The following DNAH11 variants were observed in gnomAD, a reference collection of about 807,000 sequenced individuals.
DNAH11 encodes axonemal beta dynein heavy chain 11.
In DNAH11, 442 loss-of-function variants were observed where a neutral mutation model predicts 526.0. That is an observed-to-expected ratio of 0.84 (90% CI 0.78 to 0.91). DNAH11 has a LOEUF of 0.91. Ranked by LOEUF, DNAH11 falls within the 40% of genes least tolerant of loss-of-function variation. The probability of loss-of-function intolerance (pLI) is 0.00; values close to 1 mark genes in which losing one functional copy is unlikely to be tolerated. For missense variants in DNAH11, 6,989 were observed against 5,448.7 expected (o/e 1.28, Z -8.90); for synonymous variants, 2,461 against 1,935.9 (o/e 1.27, Z -7.12).
Position 21,707,764 on chromosome 7 carries a change from C to T in DNAH11, c.6612C>T (p.Asn2204=). The T allele has an allele frequency of 6.2e-7, 1 of 1,613,210 alleles. No homozygotes were observed. Among genetic ancestry groups the T allele is most frequent in the African/African-American group, 1.3e-5 (1 of 75,008 alleles). Residue 2204 remains asparagine (N), a synonymous_variant, in exon 40 of 82, where the codon AAC becomes AAT. Transcript: ENST00000409508. ...MKQKPVWNDL[N]PKAVTTDELF... is the part of the protein sequence containing the mutation. ...AGAAGCCGGTTTGGAATGACTTAAA[C>T]CCTAAAGCTGTGACAACAGATGAAC...
At chr7:21,761,048 T>G (rs1393455828) in intron 54 of DNAH11, among the ~76,000 whole-genome samples, 1 of 152,202 alleles carries the variant, frequency 6.6e-6, no homozygotes, top group East Asian at 1.9e-4. Context: ...CTCACAGTAA[T>G]GTTCCTTGTG....
chr7:21,744,315 A>T, intron 49 of DNAH11, 123 bp from the exon 50 acceptor site: 1 of 1,073,220 alleles, frequency 9.3e-7, no homozygotes, highest in Non-Finnish European at 1.4e-6. Context: ...CACGCACATT[A>T]CTATTGATGA....
chr7:21,642,648 G>T (rs897697764), intron 28 of DNAH11, among the ~76,000 whole-genome samples: 2 of 152,272 alleles, frequency 1.3e-5, no homozygotes, highest in East Asian at 1.9e-4. Context: ...AAGGCGCCCT[G>T]TGTGGGTAGA....
intron 2 of DNAH11, among the ~76,000 whole-genome samples, chr7:21,546,262 C>T (rs1479888528): frequency 6.6e-6 from 1 of 152,214 alleles, no homozygotes; most frequent in East Asian, 1.9e-4. Flanking sequence ...AAGTCTCTCA[C>T]CCCTAACTCC....
rs906126318 is a variant in DNAH11, at chr7:21,839,520, A to T, written c.10692-3024A>T. Among the ~76,000 whole-genome samples the T allele has an allele frequency of 7.3e-5, 11 of 151,720 alleles. 1 individual carries two copies. Among genetic ancestry groups the T allele is most frequent in the Admixed American group, 3.9e-4 (6 of 15,216 alleles). ...AACCCAGGAGGCAGAGCTTTCAGGG[A>T]TCCGAGATCACACCACTGCACTCCA... On this transcript the variant is annotated intron_variant, in intron 65 of 81. Transcript: ENST00000409508.
chr7:21,621,014 A>G (rs1489379768), intron 25 of DNAH11, among the ~76,000 whole-genome samples: 2 of 151,992 alleles, frequency 1.3e-5, no homozygotes, highest in Non-Finnish European at 2.9e-5. Context: ...GAATAGTGCC[A>G]CAATAAACAT....
At chr7:21,615,807 G>A (rs1169014597) in intron 21 of DNAH11, among the ~76,000 whole-genome samples, 1 of 152,058 alleles carries the variant, frequency 6.6e-6, no homozygotes, top group Non-Finnish European at 1.5e-5. Flanking sequence ...TATAAAATAT[G>A]GTCAAGAAAT....
At chr7:21,841,076 C>G (rs1348212683) in intron 65 of DNAH11, among the ~76,000 whole-genome samples, 2 of 151,998 alleles carry the variant, frequency 1.3e-5, no homozygotes, top group African/African-American at 4.8e-5. Context: ...CTCAGCTACT[C>G]AGGAGGCTGA....
At chr7:21,678,585 C>T (rs1231579486) in intron 30 of DNAH11, among the ~76,000 whole-genome samples, 2 of 142,040 alleles carry the variant, frequency 1.4e-5, no homozygotes, top group Admixed American at 7.0e-5. Context: ...TCTACATCTG[C>T]AAAAAAAAAA....
intron 55 of DNAH11, among the ~76,000 whole-genome samples, chr7:21,770,073 G>C (rs1053138888): frequency 6.6e-6 from 1 of 152,162 alleles, no homozygotes; most frequent in Non-Finnish European, 1.5e-5. Context: ...TTTAACACTT[G>C]TTGCTGCCCT....
At chr7:21,683,993 T>A in intron 32 of DNAH11, 49 bp downstream of exon 32, 2 of 1,583,122 alleles carry the variant, frequency 1.3e-6, no homozygotes, top group South Asian at 2.3e-5. Context: ...CCCAAAAAAG[T>A]CCCCTAGTGT....
Position 21,880,612 on chromosome 7 carries a change from A to G in DNAH11, c.12196-90A>G, listed in dbSNP as rs73077555. 4.0e-5 allele frequency: 56 copies of G among 1,405,304 alleles called. No homozygotes were observed. In the East Asian group the frequency reaches 5.8e-4, roughly 14 times the overall value. The allele number at this position is 1,405,304 out of a possible 1,614,324, so 87.1% of individuals were successfully genotyped here. ...CTGCCTCTGTAGTATCTCACTCTCA[A>G]AGTTCTTTACAAGATTATTGAAAAC... On this transcript the variant is annotated intron_variant, in intron 74 of 81. Transcript: ENST00000409508.
intron 58 of DNAH11, among the ~76,000 whole-genome samples, chr7:21,786,261 A>C (rs185936118): frequency 6.6e-6 from 1 of 152,090 alleles, no homozygotes; most frequent in East Asian, 1.9e-4. Context: ...AATCTATTAC[A>C]TAGTGGGATA....
intron 63 of DNAH11, among the ~76,000 whole-genome samples, chr7:21,812,800 G>A (rs944594258): frequency 1.3e-5 from 2 of 152,150 alleles, no homozygotes. Flanking sequence ...GGGAACTTTT[G>A]AAATGCATTG....
Position 21,825,616 on chromosome 7 carries a change from C to CTT in DNAH11, c.10691+7287_10691+7288dup, listed in dbSNP as rs11375499. Among the ~76,000 whole-genome samples, 20 of 146,878 alleles carry CTT rather than the reference C, an allele frequency of 1.4e-4. No individual in the cohort carries two copies. The East Asian group carries it at 1.4e-3, about 10-fold the overall frequency. On this transcript the variant is annotated intron_variant, in intron 65 of 81. Coordinates refer to ENST00000409508, the MANE Select transcript of DNAH11 (RefSeq NM_001277115.2). ...TCCTATGACGAACTATTCCTGCCTC[C>CTT]TTTTTTTTTTTCCCACTTTTATTTT... is the stretch of plus-strand genomic sequence containing the variant.
intron 66 of DNAH11, among the ~76,000 whole-genome samples, chr7:21,847,701 C>T (rs1782468765): frequency 6.6e-6 from 1 of 152,156 alleles, no homozygotes; most frequent in Admixed American, 6.5e-5. Flanking sequence ...TGATGATGCA[C>T]AGTTCGACTA....
chr7:21,872,138 A>AAAAAACAAAAAAAC (rs750641254), intron 73 of DNAH11, among the ~76,000 whole-genome samples: 2 of 129,002 alleles, frequency 1.6e-5, no homozygotes, highest in African/African-American at 3.4e-5. Context: ...AAAAAAAAAA[A>AAAAAACAAAAAAAC]AAAAAAAAAA....
chr7:21,744,247 A>G (rs982190849), intron 49 of DNAH11, among the ~76,000 whole-genome samples, 191 bp from the exon 50 acceptor site: 1 of 152,248 alleles, frequency 6.6e-6, no homozygotes, highest in African/African-American at 2.4e-5. Flanking sequence ...GGGTATAAGC[A>G]TACTAAAATT....
At position 21,686,243 on chromosome 7, in the gene DNAH11, G is replaced by A. The variant is rs1783370238; in HGVS notation, c.5622-856G>A. 2.0e-5 allele frequency among the ~76,000 whole-genome samples: 3 copies of A among 152,144 alleles called. No homozygotes were observed. In the South Asian group the frequency reaches 6.2e-4, roughly 32 times the overall value. ...CTCATTTAATAGAGGAGAAAACTGA[G>A]GTGTGTTGATGTCAAAAGACTTATT... On this transcript the variant is annotated intron_variant, in intron 32 of 81. Transcript: ENST00000409508.
Sources: gnomAD v4.1 joint callset for allele counts (sites outside exome capture counted in the v4.1 genomes callset) on GRCh38, gnomAD v4.1.1 for gene constraint, MANE v1.5 for transcripts, NCBI Gene and HGNC (gene_info 2026-07-23, HGNC 2026-07-21) for gene names.